The following ARHGEF10 variants were observed in gnomAD, a reference collection of about 807,000 sequenced individuals.
The protein encoded by ARHGEF10 is Rho guanine nucleotide exchange factor (GEF) 10.
ARHGEF10 carries 140 observed loss-of-function variants against 147.4 expected under a neutral mutation model. That is an observed-to-expected ratio of 0.95 (90% confidence interval 0.83 to 1.09). The LOEUF (loss-of-function observed/expected upper bound fraction) is 1.09. Among genes scored for constraint, ARHGEF10 ranks in the 50% least tolerant of loss-of-function variants. ARHGEF10 has a pLI of 0.00. For missense variants in ARHGEF10, 2,222 were observed against 1,752.7 expected, an observed-to-expected ratio of 1.27 and a Z score of -4.78; for synonymous variants, 902 against 695.8, an observed-to-expected ratio of 1.30 and a Z score of -4.67.
At chr8:1,883,363 T>G (rs1041024147) in intron 10 of ARHGEF10, among the ~76,000 whole-genome samples, 12 of 151,754 alleles carry the variant, frequency 7.9e-5, no homozygotes, top group South Asian at 4.2e-4. Context: ...TACGGGAGGG[T>G]GACTGAGACT....
chr8:1,924,505 T>C (rs1349849691), intron 21 of ARHGEF10, among the ~76,000 whole-genome samples: 3 of 152,228 alleles, frequency 2.0e-5, no homozygotes, highest in Non-Finnish European at 2.9e-5. Flanking sequence ...CTGCTGTAGA[T>C]AATCTGAAAT....
chr8:1,856,925 C>T (rs1320447218), intron 2 of ARHGEF10, among the ~76,000 whole-genome samples: 1 of 152,152 alleles, frequency 6.6e-6, no homozygotes, highest in African/African-American at 2.4e-5. Flanking sequence ...TGTCCCAGCA[C>T]ATGGGTCTCC....
intron 17 of ARHGEF10, 119 bp from the exon 18 acceptor site, chr8:1,909,176 A>T (rs975616365): frequency 3.6e-6 from 5 of 1,388,006 alleles, no homozygotes; most frequent in Non-Finnish European, 5.1e-6. Context: ...ATTGTGAGAA[A>T]GTCTGAAGAG....
At chr8:1,916,741 T>TG (rs1319681767) in intron 18 of ARHGEF10, among the ~76,000 whole-genome samples, 2 of 152,208 alleles carry the variant, frequency 1.3e-5, no homozygotes, top group African/African-American at 4.8e-5. Context: ...ACTAGGGACT[T>TG]ATATATGATG....
At chr8:1,856,030 T>C (rs1194217800) in intron 2 of ARHGEF10, among the ~76,000 whole-genome samples, 1 of 152,156 alleles carries the variant, frequency 6.6e-6, no homozygotes, top group Non-Finnish European at 1.5e-5. Flanking sequence ...AATTAGCGGT[T>C]CTGTCCATTC....
intron 1 of ARHGEF10, among the ~76,000 whole-genome samples, chr8:1,832,102 C>G (rs778860894): frequency 1.8e-4 from 27 of 152,176 alleles, no homozygotes; most frequent in Non-Finnish European, 2.9e-4. Context: ...GTTTAGTCCA[C>G]CCAGGGGGTC....
intron 26 of ARHGEF10, among the ~76,000 whole-genome samples, chr8:1,935,977 C>T (rs890392342): frequency 1.3e-5 from 2 of 152,166 alleles, no homozygotes; most frequent in Non-Finnish European, 2.9e-5. Flanking sequence ...TGTTAGTGGC[C>T]GTGTGACGTG....
intron 2 of ARHGEF10, among the ~76,000 whole-genome samples, chr8:1,846,078 G>T (rs1204940139): frequency 6.6e-6 from 1 of 152,242 alleles, no homozygotes; most frequent in Non-Finnish European, 1.5e-5. Context: ...CTGCAGGAAT[G>T]TGGAGCTCTC....
chr8:1,911,474 G>A (rs946936571), intron 18 of ARHGEF10, among the ~76,000 whole-genome samples: 1 of 152,164 alleles, frequency 6.6e-6, no homozygotes, highest in Non-Finnish European at 1.5e-5. Context: ...TATTTAAAAT[G>A]TGCTAATTCT....
At chr8:1,839,021 G>A (rs1209561740) in intron 1 of ARHGEF10, among the ~76,000 whole-genome samples, 1 of 152,180 alleles carries the variant, frequency 6.6e-6, no homozygotes, top group African/African-American at 2.4e-5. Flanking sequence ...TCCGATGTGG[G>A]GACTGTCCAG....
chr8:1,894,091 T>C (rs1157804877), intron 12 of ARHGEF10, among the ~76,000 whole-genome samples: 5 of 151,904 alleles, frequency 3.3e-5, no homozygotes, highest in Non-Finnish European at 5.9e-5. Context: ...GGAGAATTGC[T>C]TGAACCCGGG....
At position 1,926,410 on chromosome 8, in the gene ARHGEF10, C is replaced by T. The variant is rs138353580; in HGVS notation, c.2644C>T (p.Leu882=). The T allele has an allele frequency of 2.6e-5, 42 of 1,614,106 alleles. No individual in the cohort carries two copies. In the Middle Eastern group the frequency reaches 6.6e-4, roughly 25 times the overall value. ...TGCTGCTTATAACCCTGAACCTTAC[C>T]TAAATAATGAAAGCCAGCCAGATTC... ...ECAAYNPEPY[L]NNESQPDSFS... is the part of the protein sequence containing the mutation. Residue 882 remains leucine, a synonymous_variant, in exon 23 of 29, where the codon CTA becomes TTA. Transcript: ENST00000349830.
intron 2 of ARHGEF10, among the ~76,000 whole-genome samples, chr8:1,857,402 AC>A (rs1805630431): frequency 6.7e-6 from 1 of 149,162 alleles, no homozygotes; most frequent in Admixed American, 6.7e-5. Context: ...TTTTCCCCTT[AC>A]TTTCTCTTGT....
chr8:1,857,192 C>T (rs1805614207), intron 2 of ARHGEF10, among the ~76,000 whole-genome samples: 1 of 152,026 alleles, frequency 6.6e-6, no homozygotes, highest in South Asian at 2.1e-4. Flanking sequence ...ATTTTCTAAC[C>T]ATCAGAGATA....
intron 28 of ARHGEF10, among the ~76,000 whole-genome samples, chr8:1,953,193 T>C (rs542159489): frequency 8.9e-4 from 130 of 145,548 alleles, no homozygotes; most frequent in African/African-American, 3.5e-3. Context: ...TTCCTTTCTG[T>C]ATTTTATGTT....
rs923503903 is a variant in ARHGEF10 at position 1,937,639 on chromosome 8, G to A, written c.3222+3697G>A. Among the ~76,000 whole-genome samples the A allele has an allele frequency of 2.0e-5, 3 of 152,218 alleles. No individual in the cohort carries two copies. Among genetic ancestry groups the A allele is most frequent in the Non-Finnish European group, 4.4e-5 (3 of 68,042 alleles). ...ACATGATATTCATCCTGTCGTTCCC[G>A]TTGTGCAGGGGAACTGTGGCCAGGG... On this transcript the variant is annotated intron_variant, in intron 26 of 28. Transcript: ENST00000349830. The surrounding 1 kb of genome is among the most constrained non-coding windows in gnomAD (Gnocchi z 4.9).
At chr8:1,832,981 G>A (rs1348858905) in intron 1 of ARHGEF10, among the ~76,000 whole-genome samples, 1 of 102,994 alleles carries the variant, frequency 9.7e-6, no homozygotes, top group Non-Finnish European at 2.0e-5. Flanking sequence ...GGCAGAGAGA[G>A]ACAGAGACAG....
chr8:1,873,398 G>C (rs1273657216), intron 7 of ARHGEF10, among the ~76,000 whole-genome samples: 1 of 152,264 alleles, frequency 6.6e-6, no homozygotes, highest in Non-Finnish European at 1.5e-5. Context: ...AGAGGAGAAA[G>C]TCACAGTGTG....
At position 1,885,541 on chromosome 8, in the gene ARHGEF10, G is replaced by GTA. The variant is rs1808581759; in HGVS notation, c.1076-59_1076-58dup. On this transcript the variant is annotated intron_variant, in intron 10 of 28. Transcript: ENST00000349830. ...TTATTTGACTTTTTTTTACTGTACT[G>GTA]TAGTGTTGTGAATATATTATTTGAA... is the stretch of plus-strand genomic sequence containing the variant. The GTA allele has an allele frequency of 1.1e-5, 13 of 1,187,700 alleles. No homozygotes were observed. The East Asian group carries it at 3.1e-4, about 28-fold the overall frequency. 73.6% of individuals were successfully genotyped at this position (1,187,700 alleles called of 1,614,324 possible).
Sources: gnomAD v4.1 joint callset for allele counts (sites outside exome capture counted in the v4.1 genomes callset) on GRCh38, gnomAD v4.1.1 for gene constraint, Gnocchi (gnomAD v3.1) non-coding constraint, MANE v1.5 for transcripts, NCBI Gene and HGNC (gene_info 2026-07-23, HGNC 2026-07-21) for gene names.